Variants in CNNM2 observed in about 807,000 individuals in gnomAD.
The protein encoded by CNNM2 is metal transporter CNNM2.
In CNNM2, 12 loss-of-function variants were observed where a neutral mutation model predicts 66.9. The observed-to-expected ratio is 0.18, with a 90% confidence interval of 0.11 to 0.29. The LOEUF (loss-of-function observed/expected upper bound fraction) is 0.29. CNNM2 is among the 10% of genes least tolerant of loss of function. CNNM2 has a pLI of 1.00. For missense variants in CNNM2, 705 were observed against 1,167.7 expected (o/e 0.60, Z 5.77); for synonymous variants, 557 against 501.8 (o/e 1.11, Z -1.47).
intron 5 of CNNM2, 37 bp downstream of exon 5, chr10:103,068,759 G>C: frequency 1.3e-6 from 2 of 1,491,654 alleles, no homozygotes; most frequent in Non-Finnish European, 1.8e-6. Flanking sequence ...GCAGGACCAC[G>C]TGTTAGGAAG....
At chr10:103,033,076 C>T (rs2064860123) in intron 1 of CNNM2, among the ~76,000 whole-genome samples, 1 of 150,702 alleles carries the variant, frequency 6.6e-6, no homozygotes, top group Non-Finnish European at 1.5e-5. Flanking sequence ...CATGATCATG[C>T]CACTGCACTC....
intron 1 of CNNM2, among the ~76,000 whole-genome samples, chr10:102,987,422 G>A (rs1039680517): frequency 6.6e-6 from 1 of 152,040 alleles, no homozygotes; most frequent in African/African-American, 2.4e-5. Flanking sequence ...CCAGGTTCAC[G>A]CCATTCTCCT....
intron 1 of CNNM2, among the ~76,000 whole-genome samples, chr10:103,025,619 T>C (rs1035001069): frequency 6.6e-6 from 1 of 152,260 alleles, no homozygotes; most frequent in African/African-American, 2.4e-5. Flanking sequence ...TTGGGCTTAC[T>C]GATTCGTGTT....
In CNNM2 at chr10:103,088,987, GT is replaced by G. The variant is rs34136949; in HGVS notation, c.*11812del. ...ATTTATCACAGATAAGAAGGAGGTT[GT>G]TTTTGGATAACAAATAAGCATTTGT... On this transcript the variant is annotated 3_prime_UTR_variant, in exon 8 of 8. Transcript: ENST00000369878. The G allele has an allele frequency of 9.6e-6, 2 of 209,412 alleles. No homozygotes were observed. The highest frequency in any genetic ancestry group is 1.9e-5 in the Non-Finnish European group (2 of 102,960). The allele number at this position is 209,412 out of a possible 1,614,324, so 13.0% of individuals were successfully genotyped here. A position where few individuals can be genotyped will look rare whatever the true frequency, so the allele number is the denominator to read the frequency against.
intron 1 of CNNM2, among the ~76,000 whole-genome samples, chr10:102,955,324 T>C (rs956719552): frequency 1.3e-5 from 2 of 152,284 alleles, no homozygotes; most frequent in African/African-American, 4.8e-5. Context: ...TGGCTAGCCA[T>C]ATGTAGAAAG....
chr10:102,983,296 A>AAT (rs1564831416), intron 1 of CNNM2, among the ~76,000 whole-genome samples: 1 of 149,218 alleles, frequency 6.7e-6, no homozygotes, highest in Non-Finnish European at 1.5e-5. Flanking sequence ...TTAAATGGAC[A>AAT]ATATCAAAGC....
intron 1 of CNNM2, among the ~76,000 whole-genome samples, chr10:102,988,657 C>G (rs2134239395): frequency 1.3e-5 from 2 of 152,192 alleles, no homozygotes; most frequent in Middle Eastern, 6.8e-3. Flanking sequence ...CTAACTTTAC[C>G]AAATGATGGG....
At chr10:102,979,507 C>T (rs1279454385) in intron 1 of CNNM2, among the ~76,000 whole-genome samples, 4 of 152,202 alleles carry the variant, frequency 2.6e-5, no homozygotes, top group East Asian at 1.9e-4. Flanking sequence ...CTTTTCATCT[C>T]TGTCCCTTTA....
chr10:103,069,731 C>T (rs2065542508), intron 5 of CNNM2, among the ~76,000 whole-genome samples: 1 of 152,244 alleles, frequency 6.6e-6, no homozygotes, highest in South Asian at 2.1e-4. Flanking sequence ...GCAGAGCGCA[C>T]ACGCTTGCTA....
At chr10:103,037,391 C>A (rs1052642745) in intron 1 of CNNM2, among the ~76,000 whole-genome samples, 2 of 151,660 alleles carry the variant, frequency 1.3e-5, no homozygotes, top group Non-Finnish European at 2.9e-5. Flanking sequence ...GTAGCTGGGA[C>A]AATGGAGGCA....
chr10:102,985,653 G>A (rs960845510), intron 1 of CNNM2, among the ~76,000 whole-genome samples: 5 of 152,358 alleles, frequency 3.3e-5, no homozygotes, highest in Admixed American at 3.3e-4. Context: ...TACCTGGGAA[G>A]TTCCTAGGGG....
At chr10:103,018,751 C>A (rs146863346) in intron 1 of CNNM2, among the ~76,000 whole-genome samples, 2 of 141,520 alleles carry the variant, frequency 1.4e-5, no homozygotes, top group African/African-American at 2.6e-5. Context: ...CTCCAACTCT[C>A]GGGTTCAAGT....
rs144215859 is a variant in CNNM2, at chr10:102,991,697, T to C, written c.1622-58010T>C. Among the ~76,000 whole-genome samples, 547 of 152,348 alleles carry C rather than the reference T, an allele frequency of 3.6e-3. 4 individuals are homozygous for C. The highest frequency in any genetic ancestry group is 0.013 in the African/African-American group (532 of 41,588). ...ACAGAGCATTTTTCAAGGAATGTTA[T>C]ATTATCATTTGTACTGATAAATTAA... On this transcript the variant is annotated intron_variant, in intron 1 of 7. Coordinates refer to ENST00000369878, the MANE Select transcript of CNNM2 (RefSeq NM_017649.5).
At chr10:102,976,785 T>C (rs2063641453) in intron 1 of CNNM2, among the ~76,000 whole-genome samples, 1 of 151,868 alleles carries the variant, frequency 6.6e-6, no homozygotes, top group Non-Finnish European at 1.5e-5. Context: ...TACTTTCTAA[T>C]TGGTTGTTTT....
intron 1 of CNNM2, among the ~76,000 whole-genome samples, chr10:102,998,641 A>T (rs1039023960): frequency 6.6e-6 from 1 of 152,162 alleles, no homozygotes; most frequent in African/African-American, 2.4e-5. Flanking sequence ...TTCACAGGTG[A>T]CACGATCTTC....
At chr10:102,970,667 C>CA (rs2063533365) in intron 1 of CNNM2, among the ~76,000 whole-genome samples, 1 of 152,172 alleles carries the variant, frequency 6.6e-6, no homozygotes. Flanking sequence ...TGTTCACAGG[C>CA]ACAGTACCAG....
At chr10:103,049,923 C>A (rs1303265439) in intron 2 of CNNM2, 73 bp downstream of exon 2, 1 of 1,476,244 alleles carries the variant, frequency 6.8e-7, no homozygotes, top group African/African-American at 1.4e-5. Flanking sequence ...AGTCTTCTGA[C>A]GTTTCTCCAG....
Position 103,077,065 on chromosome 10 carries a change from C to T in CNNM2, c.2513C>T (p.Thr838Ile), listed in dbSNP as rs374070149. 1 of 1,613,986 alleles carries T rather than the reference C, an allele frequency of 6.2e-7. No homozygotes were observed. Among genetic ancestry groups the T allele is most frequent in the Non-Finnish European group, 8.5e-7 (1 of 1,179,890 alleles). ...SDSENTKIEL[T>I]LTELHDGLPD... ...AGTGAAAACACTAAAATCGAATTGA[C>T]TCTTACGGAGCTGCATGACGGGTTG... is the stretch of plus-strand genomic sequence containing the variant. Residue 838 changes from threonine to isoleucine, a missense_variant, in exon 8 of 8, where the codon ACT (threonine) becomes ATT (isoleucine). Around this residue, in one of 9 missense-constraint regions of CNNM2, gnomAD observed 194 missense variants for 227.6 expected, o/e 0.85. Coordinates refer to ENST00000369878, the MANE Select transcript of CNNM2 (RefSeq NM_017649.5).
intron 1 of CNNM2, among the ~76,000 whole-genome samples, chr10:102,971,024 C>G (rs2063538588): frequency 6.9e-6 from 1 of 144,514 alleles, no homozygotes; most frequent in South Asian, 2.3e-4. Flanking sequence ...GACCCTGTCT[C>G]TACAAAAAAA....
Sources: allele counts gnomAD v4.1 joint callset (sites outside exome capture counted in the v4.1 genomes callset), GRCh38; gene constraint gnomAD v4.1.1; regional missense constraint gnomAD v4.1.1; transcripts MANE v1.5; gene names NCBI Gene and HGNC (gene_info 2026-07-23, HGNC 2026-07-21).